CCDC171: variants seen among roughly 807,000 people sequenced by gnomAD.
CCDC171 encodes coiled-coil domain-containing protein 171.
CCDC171 carries 177 observed loss-of-function variants against 168.2 expected under a neutral mutation model. The ratio of observed to expected loss-of-function variants is 1.05; its 90% CI spans 0.93 to 1.19. The LOEUF (loss-of-function observed/expected upper bound fraction) is 1.19. Among genes scored for constraint, CCDC171 ranks in the 50% most tolerant of loss-of-function variants. The probability of loss-of-function intolerance (pLI) is 0.00; values close to 1 mark genes in which losing one functional copy is unlikely to be tolerated. For synonymous variants in CCDC171, 687 were observed against 540.8 expected (o/e 1.27, Z -3.75); for missense variants, 1,991 against 1,539.0 (o/e 1.29, Z -4.91).
intron 24 of CCDC171, among the ~76,000 whole-genome samples, chr9:15,881,836 C>G (rs1818692238): frequency 6.6e-6 from 1 of 152,106 alleles, no homozygotes; most frequent in African/African-American, 2.4e-5. Context: ...ATCGCATTTT[C>G]TTTATTCATT....
intron 11 of CCDC171, among the ~76,000 whole-genome samples, chr9:15,698,009 A>G (rs569377895): frequency 6.6e-6 from 1 of 152,318 alleles, no homozygotes; most frequent in East Asian, 1.9e-4. Context: ...TCTATTGGGA[A>G]CATTTCAAAT....
rs1833268605 is a variant in CCDC171, at chr9:16,026,027, C to T, written n.998+3119C>T. On this transcript the variant is annotated intron_variant and non_coding_transcript_variant, in intron 6 of 9. Coordinates refer to the CCDC171 transcript ENST00000486641. Reference sequence around the variant, plus strand: ...GAGTTGGTCACCCTACGGCTAGCATCCACACTGGTAAGGAAACCAGGCTCA... The same window carrying T: ...GAGTTGGTCACCCTACGGCTAGCATTCACACTGGTAAGGAAACCAGGCTCA... 2.6e-5 allele frequency among the ~76,000 whole-genome samples: 4 copies of T among 152,188 alleles called. No individual in the cohort carries two copies. The South Asian group carries it at 8.3e-4, about 32-fold the overall frequency.
intron 3 of CCDC171, among the ~76,000 whole-genome samples, chr9:15,981,258 T>A (rs1466783123): frequency 1.3e-5 from 2 of 151,734 alleles, no homozygotes; most frequent in Admixed American, 6.5e-5. Context: ...GAGAGTCCTC[T>A]TGATGGGATT....
chr9:16,108,638 A>T, the CCDC171 span, among the ~76,000 whole-genome samples: 1 of 152,212 alleles, frequency 6.6e-6, no homozygotes, highest in Non-Finnish European at 1.5e-5. Context: ...ACATGTATGA[A>T]TATACTCAGT....
chr9:15,905,730 A>G (rs941937107), intron 24 of CCDC171, among the ~76,000 whole-genome samples: 2 of 152,234 alleles, frequency 1.3e-5, no homozygotes, highest in Admixed American at 6.5e-5. Flanking sequence ...CAATGAATCC[A>G]GGAGCTGGTT....
intron 8 of CCDC171, among the ~76,000 whole-genome samples, chr9:15,660,301 T>C (rs2133024342): frequency 6.6e-6 from 1 of 152,296 alleles, no homozygotes; most frequent in Non-Finnish European, 1.5e-5. Context: ...TTTCTTTTCT[T>C]TTCTTTGTTT....
chr9:15,778,643 C>CAAAAAAAAAAAAAAAAAA (rs527592822), intron 19 of CCDC171, among the ~76,000 whole-genome samples: 7 of 58,770 alleles, frequency 1.2e-4, no homozygotes, highest in African/African-American at 4.0e-4. Flanking sequence ...AAGACTGTCT[C>CAAAAAAAAAAAAAAAAAA]AAAAAAAAAA....
the CCDC171 span, among the ~76,000 whole-genome samples, chr9:16,081,342 T>C: frequency 6.6e-6 from 1 of 152,326 alleles, no homozygotes; most frequent in South Asian, 2.1e-4. Flanking sequence ...CCCTTACTGG[T>C]CAGGGCTTAA....
intron 9 of CCDC171, among the ~76,000 whole-genome samples, chr9:15,671,801 C>T (rs1042826173): frequency 2.0e-5 from 3 of 151,982 alleles, no homozygotes; most frequent in East Asian, 1.9e-4. Flanking sequence ...TGAATAGTGC[C>T]GCAATAAACA....
intron 9 of CCDC171, among the ~76,000 whole-genome samples, chr9:15,667,812 T>C (rs1379017782): frequency 6.6e-6 from 1 of 152,212 alleles, no homozygotes; most frequent in Admixed American, 6.5e-5. Context: ...TAATTAATAA[T>C]GCTTATAATA....
chr9:15,665,085 T>G (rs749519921), intron 8 of CCDC171, among the ~76,000 whole-genome samples: 12 of 152,160 alleles, frequency 7.9e-5, no homozygotes, highest in Non-Finnish European at 1.0e-4. Flanking sequence ...GTGTTTTATC[T>G]CTTACCTCCT....
At chr9:15,903,257 G>A (rs527401294) in intron 24 of CCDC171, among the ~76,000 whole-genome samples, 5 of 152,278 alleles carry the variant, frequency 3.3e-5, no homozygotes, top group African/African-American at 1.2e-4. Context: ...TGACCCCCGA[G>A]TAGCCTAACT....
rs781406530 is a variant in CCDC171 at position 15,745,542 on chromosome 9, T to C, written c.2582T>C (p.Leu861Ser). The C allele has an allele frequency of 4.4e-6, 7 of 1,588,542 alleles. No individual in the cohort carries two copies. Among genetic ancestry groups the C allele is most frequent in the East Asian group, 2.3e-5 (1 of 43,042 alleles). Residue 861 changes from leucine to serine, a missense_variant, in exon 18 of 26, where the codon TTA becomes TCA. Leu to Ser is a moderately radical substitution (Grantham distance 145). Coordinates refer to ENST00000380701, the MANE Select transcript of CCDC171 (RefSeq NM_173550.4). ...PKHQKEQLRC[L>S]QALSWLTSSD... ...CATCAAAAGGAGCAGTTGCGTTGTT[T>C]ACAAGCGCTCAGTTGGCTCACCAGT...
intron 18 of CCDC171, among the ~76,000 whole-genome samples, chr9:15,757,953 A>T (rs1259748710): frequency 6.6e-6 from 1 of 152,216 alleles, no homozygotes; most frequent in Non-Finnish European, 1.5e-5. Context: ...AAATGCCAGG[A>T]TGCCCAGGCA....
chr9:15,913,157 C>T (rs1005586956), intron 24 of CCDC171, among the ~76,000 whole-genome samples: 3 of 152,136 alleles, frequency 2.0e-5, no homozygotes, highest in Non-Finnish European at 4.4e-5. Context: ...ACTGTGAATC[C>T]GTTTGGTCCT....
At chr9:15,907,032 C>G (rs1359178344) in intron 24 of CCDC171, among the ~76,000 whole-genome samples, 1 of 152,124 alleles carries the variant, frequency 6.6e-6, no homozygotes, top group Non-Finnish European at 1.5e-5. Flanking sequence ...GAAGAACATT[C>G]CATGCTCATG....
intron 21 of CCDC171, among the ~76,000 whole-genome samples, chr9:15,835,796 AAT>A (rs2060419753): frequency 6.6e-6 from 1 of 152,182 alleles, no homozygotes; most frequent in African/African-American, 2.4e-5. Context: ...ATTAACAAGA[AAT>A]AAGTGTTGTC....
At chr9:15,630,051 C>G (rs190890861) in intron 7 of CCDC171, among the ~76,000 whole-genome samples, 2 of 152,158 alleles carry the variant, frequency 1.3e-5, no homozygotes, top group African/African-American at 4.8e-5. Flanking sequence ...AAGGAACAAC[C>G]GGTACCAGCC....
At chr9:16,100,852 G>A in the CCDC171 span, among the ~76,000 whole-genome samples, 1 of 152,206 alleles carries the variant, frequency 6.6e-6, no homozygotes, top group Non-Finnish European at 1.5e-5. Flanking sequence ...GCAGATGGGA[G>A]GGGGCCTGGG....
Sources: gnomAD v4.1 joint callset for allele counts (sites outside exome capture counted in the v4.1 genomes callset) on GRCh38, gnomAD v4.1.1 for gene constraint, MANE v1.5 for transcripts, NCBI Gene and HGNC (gene_info 2026-07-23, HGNC 2026-07-21) for gene names.